USF3: variants seen among roughly 807,000 people sequenced by gnomAD.
The protein encoded by USF3 is basic helix-loop-helix domain-containing protein USF3.
A neutral mutation model predicts 157.5 loss-of-function variants in USF3; 29 were observed. That is an observed-to-expected ratio of 0.18 (90% confidence interval 0.14 to 0.25). The LOEUF (loss-of-function observed/expected upper bound fraction) is 0.25. Ranked by LOEUF, USF3 falls within the 10% of genes least tolerant of loss-of-function variation. USF3 has a pLI of 1.00. For synonymous variants in USF3, 893 were observed against 941.4 expected (o/e 0.95, Z 0.94); for missense variants, 2,381 against 2,667.6 (o/e 0.89, Z 2.37).
At chr3:113,671,077 T>C (rs576705279) in intron 4 of USF3, among the ~76,000 whole-genome samples, 82 of 152,166 alleles carry the variant, frequency 5.4e-4, no homozygotes, top group Non-Finnish European at 1.0e-3. Context: ...TGATAATAAT[T>C]ACTTTCAAAT....
chr3:113,695,849 A>G (rs114564642), intron 1 of USF3, among the ~76,000 whole-genome samples: 1 of 152,264 alleles, frequency 6.6e-6, no homozygotes, highest in African/African-American at 2.4e-5. Context: ...AGAAAGCAAA[A>G]GAACGGCTTC....
In USF3 at chr3:113,657,368, T is replaced by C; in HGVS notation, c.4314A>G (p.Leu1438=). 1 of 1,614,136 alleles carries C rather than the reference T, an allele frequency of 6.2e-7. No individual in the cohort carries two copies. The highest frequency in any genetic ancestry group is 8.5e-7 in the Non-Finnish European group (1 of 1,180,026). ...CTGGAACATGCTGCTGCAGGGCCTG[T>C]AGATGCTGACTTGCCTGGGTTTGCT... ...EQQQTQASQH[L]QALQQHVPAQ... The change falls in exon 7 of 7, where the codon CTA becomes CTG. Residue 1438 remains leucine (L), a synonymous_variant. Coordinates refer to ENST00000316407, the MANE Select transcript of USF3 (RefSeq NM_001009899.4).
At position 113,649,797 on chromosome 3, in the gene USF3, T is replaced by C. The variant is rs1026949899; in HGVS notation, c.*5147A>G. ...AAGGTCCTCACGCTTCTTATCAGCA[T>C]GGACTGACTCAATCTAAATTTGGTG... On this transcript the variant is annotated 3_prime_UTR_variant, in exon 7 of 7. Coordinates refer to ENST00000316407, the MANE Select transcript of USF3 (RefSeq NM_001009899.4). 2.8e-6 allele frequency: 2 copies of C among 702,852 alleles called. No individual in the cohort carries two copies. Among genetic ancestry groups the C allele is most frequent in the Admixed American group, 4.0e-5 (2 of 50,006 alleles). The allele number at this position is 702,852 out of a possible 1,614,324, so 43.5% of individuals were successfully genotyped here.
chr3:113,686,414 C>T (rs1320321263), intron 1 of USF3, among the ~76,000 whole-genome samples: 4 of 152,190 alleles, frequency 2.6e-5, no homozygotes, highest in African/African-American at 9.7e-5. Context: ...GTGTCTCCTT[C>T]CTTGATATGA....
intron 1 of USF3, among the ~76,000 whole-genome samples, chr3:113,690,006 C>T (rs1707649568): frequency 6.6e-6 from 1 of 152,188 alleles, no homozygotes; most frequent in Non-Finnish European, 1.5e-5. Context: ...TGTAAGAAAG[C>T]TACCTTTCAA....
At chr3:113,665,430 T>G (rs1017235118) in intron 5 of USF3, among the ~76,000 whole-genome samples, 1 of 152,256 alleles carries the variant, frequency 6.6e-6, no homozygotes, top group African/African-American at 2.4e-5. Context: ...GTGTCATGCT[T>G]CCAGTAAATT....
In USF3 at chr3:113,660,234, G is replaced by C. The variant is rs1219287566; in HGVS notation, c.1448C>G (p.Ser483Cys). The change falls in exon 7 of 7, where the codon TCC (serine) becomes TGC (cysteine). Residue 483 changes from serine (S) to cysteine (C), a missense_variant. Physicochemically the swap from Ser to Cys is moderately radical, Grantham distance 112. Coordinates refer to ENST00000316407, the MANE Select transcript of USF3 (RefSeq NM_001009899.4). The stretch of plus-strand genomic sequence containing the variant: ...AACTGGCTGCCCATCTGCTGGAAAG[G>C]AATTATTCAAGTTGATGTCTGTAGC... ...YVATDINLNN[S>C]FPADGQPVEQ... is the part of the protein sequence containing the mutation. 6.2e-7 allele frequency: 1 copy of C among 1,614,062 alleles called. No homozygotes were observed. Among genetic ancestry groups the C allele is most frequent in the Non-Finnish European group, 8.5e-7 (1 of 1,180,044 alleles).
intron 5 of USF3, among the ~76,000 whole-genome samples, chr3:113,666,589 T>G (rs1947572574): frequency 7.0e-6 from 1 of 141,924 alleles, no homozygotes; most frequent in East Asian, 2.0e-4. Context: ...TTTTTTTTTT[T>G]GTAACAGACT....
intron 4 of USF3, among the ~76,000 whole-genome samples, chr3:113,670,833 T>C (rs1366142172): frequency 6.6e-6 from 1 of 152,070 alleles, no homozygotes; most frequent in Non-Finnish European, 1.5e-5. Context: ...TGCAATCTCC[T>C]GCCCTCAGCC....
At chr3:113,680,942 A>C (rs1707407651) in intron 1 of USF3, among the ~76,000 whole-genome samples, 1 of 151,738 alleles carries the variant, frequency 6.6e-6, no homozygotes, top group South Asian at 2.1e-4. Flanking sequence ...GTTTCTTAAG[A>C]TGTACTGTTA....
Position 113,655,077 on chromosome 3 carries a change from G to A in USF3, c.6605C>T (p.Pro2202Leu). The A allele has an allele frequency of 1.2e-6, 2 of 1,614,196 alleles. No homozygotes were observed. Among genetic ancestry groups the A allele is most frequent in the Non-Finnish European group, 1.7e-6 (2 of 1,179,984 alleles). Residue 2202 changes from proline to leucine, a missense_variant, in exon 7 of 7, where the codon CCT becomes CTT. Coordinates refer to ENST00000316407, the MANE Select transcript of USF3 (RefSeq NM_001009899.4). ...SLFPEIATALPDGSAMSPLLT... is the reference protein window; with the variant it reads ...SLFPEIATALLDGSAMSPLLT... The stretch of plus-strand genomic sequence containing the variant: ...CAAAGGTGACATTGCTGAGCCATCA[G>A]GAAGCGCTGTGGCTATTTCTGGAAA...
chr3:113,664,197 T>A (rs1242234743), intron 6 of USF3, 116 bp downstream of exon 6: 12 of 618,666 alleles, frequency 1.9e-5, no homozygotes, highest in Non-Finnish European at 3.4e-5. Flanking sequence ...GAATGCAGGG[T>A]CTTAATAATG....
At position 113,658,688 on chromosome 3, in the gene USF3, G is replaced by C. The variant is rs746173244; in HGVS notation, c.2994C>G (p.Leu998=). The part of the protein sequence containing the change: ...DSSDTMQTTG[L]LKGQGLTTLL... ...ATGTAGTTAAACCTTGCCCCTTTAA[G>C]AGACCTGTGGTTTGCATTGTATCTG... The change falls in exon 7 of 7, where the codon CTC becomes CTG. Residue 998 remains leucine (L), a synonymous_variant. Coordinates refer to ENST00000316407, the MANE Select transcript of USF3 (RefSeq NM_001009899.4). 9 of 1,613,868 alleles carry C rather than the reference G, an allele frequency of 5.6e-6. No individual in the cohort carries two copies. In the South Asian group the frequency reaches 9.9e-5, roughly 18 times the overall value.
chr3:113,652,914 G>C lies in USF3; in HGVS notation c.*2030C>G. The C allele has an allele frequency of 1.9e-6, 1 of 525,808 alleles. No individual in the cohort carries two copies. The highest frequency in any genetic ancestry group is 3.5e-5 in the Admixed American group (1 of 28,402). 32.6% of individuals were successfully genotyped at this position (525,808 alleles called of 1,614,324 possible). The stretch of plus-strand genomic sequence containing the variant: ...AGAGGCTGCAGTGAGCCAAGATCCT[G>C]CCATTGTAGACTCCAGCCTGGGTGA... On this transcript the variant is annotated 3_prime_UTR_variant, in exon 7 of 7. Transcript: ENST00000316407.
chr3:113,690,567 C>T (rs761523188), intron 1 of USF3, among the ~76,000 whole-genome samples: 5 of 152,156 alleles, frequency 3.3e-5, no homozygotes, highest in Admixed American at 6.5e-5. Context: ...ATTATGCCAT[C>T]TACCCTTCCC....
rs1559711224 is a variant in USF3, at chr3:113,660,554, G to C, written c.1128C>G (p.Ala376=). ...TSTATVVASS[A]PGVGKATIPI... ...GAATGGTGGCCTTCCCTACTCCAGG[G>C]GCAGATGATGCCACCACTGTAGCTG... Residue 376 remains alanine, a synonymous_variant, in exon 7 of 7, where the codon GCC becomes GCG. Coordinates refer to ENST00000316407, the MANE Select transcript of USF3 (RefSeq NM_001009899.4). The C allele has an allele frequency of 6.2e-7, 1 of 1,614,014 alleles. No homozygotes were observed. Among genetic ancestry groups the C allele is most frequent in the South Asian group, 1.1e-5 (1 of 91,086 alleles).
At position 113,653,909 on chromosome 3, in the gene USF3, C is replaced by T. The variant is rs1478837677; in HGVS notation, c.*1035G>A. The T allele has an allele frequency of 1.3e-5, 2 of 152,154 alleles. No homozygotes were observed. The highest frequency in any genetic ancestry group is 2.9e-5 in the Non-Finnish European group (2 of 68,028). The allele number at this position is 152,154 out of a possible 1,614,324, so 9.4% of individuals were successfully genotyped here. ...CAATGCCATATTTAAAATATAAATG[C>T]TATCAGTAAATGAAAATACTGACAG... On this transcript the variant is annotated 3_prime_UTR_variant, in exon 7 of 7. Transcript: ENST00000316407.
chr3:113,659,284 C>G lies in USF3; in HGVS notation c.2398G>C (p.Gly800Arg). ...TTTGCTGCTAAGTGTTTCCTGCCAC[C>G]TGGCTTCTTATTCAACCTTTTAGAT... ...MKSKRLNKKP[G>R]GRKHLAANKS... Residue 800 changes from glycine to arginine, a missense_variant, in exon 7 of 7, where the codon GGT becomes CGT. This residue lies in a region of USF3 where 1,435 missense variants were observed against 1,550.9 expected (regional missense o/e 0.93). Transcript: ENST00000316407. The G allele has an allele frequency of 6.2e-7, 1 of 1,614,196 alleles. No homozygotes were observed. Among genetic ancestry groups the G allele is most frequent in the Non-Finnish European group, 8.5e-7 (1 of 1,180,030 alleles).
At chr3:113,680,048 G>GTT (rs1330691890) in intron 1 of USF3, among the ~76,000 whole-genome samples, 1 of 70,356 alleles carries the variant, frequency 1.4e-5, no homozygotes, top group Admixed American at 1.4e-4. Flanking sequence ...TTGGCCTGTA[G>GTT]TTTTCTTTTT....
Sources: gnomAD v4.1 joint callset for allele counts (sites outside exome capture counted in the v4.1 genomes callset) on GRCh38, gnomAD v4.1.1 for gene constraint, gnomAD v4.1.1 regional missense constraint, MANE v1.5 for transcripts, NCBI Gene and HGNC (gene_info 2026-07-23, HGNC 2026-07-21) for gene names.